Variants in CDH13 observed in about 807,000 individuals in gnomAD.
CDH13 encodes the protein cadherin-13.
A neutral mutation model predicts 63.8 loss-of-function variants in CDH13; 24 were observed. The observed-to-expected ratio is 0.38, with a 90% CI of 0.27 to 0.53. The LOEUF (loss-of-function observed/expected upper bound fraction) is 0.53, where lower values mean the gene tolerates loss of function less well. Ranked by LOEUF, CDH13 falls within the 20% of genes least tolerant of loss-of-function variation. The probability of loss-of-function intolerance (pLI) is 0.85; values close to 1 mark genes in which losing one functional copy is unlikely to be tolerated. For missense variants in CDH13, 1,049 were observed against 903.1 expected (o/e 1.16, Z -2.07); for synonymous variants, 503 against 355.3 (o/e 1.42, Z -4.67).
At chr16:83,510,924 A>C (rs182560123) in intron 7 of CDH13, among the ~76,000 whole-genome samples, 99 of 152,360 alleles carry the variant, frequency 6.5e-4, no homozygotes, top group African/African-American at 2.1e-3. Flanking sequence ...TACCCTTGAA[A>C]ACTTTAGACT....
At chr16:83,784,004 A>T (rs1915710387) in intron 13 of CDH13, among the ~76,000 whole-genome samples, 1 of 152,240 alleles carries the variant, frequency 6.6e-6, no homozygotes, top group Non-Finnish European at 1.5e-5. Context: ...TTTTTAACAA[A>T]TGAATTATTA....
At chr16:83,130,218 C>T (rs1339374558) in intron 4 of CDH13, among the ~76,000 whole-genome samples, 1 of 152,180 alleles carries the variant, frequency 6.6e-6, no homozygotes, top group Non-Finnish European at 1.5e-5. Context: ...ATGTTGAATT[C>T]TTATGATAAC....
intron 6 of CDH13, among the ~76,000 whole-genome samples, chr16:83,460,982 AACACACACACACGC>A (rs1470470073): frequency 7.4e-6 from 1 of 134,254 alleles, no homozygotes; most frequent in Non-Finnish European, 1.6e-5. Flanking sequence ...CTTGTCTCAA[AACACACACACACGC>A]ACACACACAC....
intron 4 of CDH13, among the ~76,000 whole-genome samples, chr16:83,148,038 A>G (rs2036824134): frequency 6.6e-6 from 1 of 152,138 alleles, no homozygotes; most frequent in Admixed American, 6.5e-5. Flanking sequence ...GGTACAAGCA[A>G]TTGATTCTCC....
At chr16:83,317,020 A>G (rs1172441133) in intron 5 of CDH13, among the ~76,000 whole-genome samples, 1 of 152,140 alleles carries the variant, frequency 6.6e-6, no homozygotes, top group Non-Finnish European at 1.5e-5. Flanking sequence ...GCCCCCTGGG[A>G]TTATTTGGCA....
At chr16:82,824,600 T>G (rs978143078) in intron 1 of CDH13, 9 of 152,322 alleles carry the variant, frequency 5.9e-5, no homozygotes, top group African/African-American at 2.2e-4. Context: ...AGGATGTATC[T>G]ATTTATAGGA....
intron 3 of CDH13, among the ~76,000 whole-genome samples, chr16:83,120,177 G>A (rs1426488627): frequency 6.6e-6 from 1 of 152,068 alleles, no homozygotes; most frequent in Non-Finnish European, 1.5e-5. Flanking sequence ...AGAGCTTCCT[G>A]CTTCTTTTCT....
intron 6 of CDH13, among the ~76,000 whole-genome samples, chr16:83,429,036 A>T (rs926485052): frequency 6.6e-6 from 1 of 152,234 alleles, no homozygotes; most frequent in Admixed American, 6.5e-5. Context: ...TCTTGTCTTG[A>T]TAAGACAGTT....
intron 7 of CDH13, among the ~76,000 whole-genome samples, chr16:83,586,861 T>G (rs964809249): frequency 2.0e-5 from 3 of 152,216 alleles, no homozygotes; most frequent in Non-Finnish European, 4.4e-5. Context: ...AGCTGTGGTG[T>G]AACTGGAATC....
intron 1 of CDH13, among the ~76,000 whole-genome samples, chr16:82,850,331 G>A (rs555023006): frequency 3.9e-5 from 6 of 152,330 alleles, no homozygotes; most frequent in African/African-American, 1.4e-4. Context: ...GGAAGGAAGT[G>A]CAGAAGTGGT....
intron 1 of CDH13, among the ~76,000 whole-genome samples, chr16:82,701,599 G>T (rs2031026964): frequency 6.6e-6 from 1 of 152,094 alleles, no homozygotes; most frequent in Admixed American, 6.6e-5. Flanking sequence ...TTTTCTGTCA[G>T]CAGTCCTTCC....
At chr16:83,347,876 G>C (rs2090872046) in intron 6 of CDH13, among the ~76,000 whole-genome samples, 1 of 152,150 alleles carries the variant, frequency 6.6e-6, no homozygotes, top group Non-Finnish European at 1.5e-5. Flanking sequence ...ATTTCTTCCT[G>C]GGCCTTGTGT....
chr16:83,011,453 G>T (rs866156397), intron 2 of CDH13, among the ~76,000 whole-genome samples: 1 of 152,122 alleles, frequency 6.6e-6, no homozygotes, highest in South Asian at 2.1e-4. Context: ...AGTGCAAATC[G>T]AAAGCCCTTC....
At chr16:82,676,236 A>T (rs1344282757) in intron 1 of CDH13, among the ~76,000 whole-genome samples, 1 of 152,120 alleles carries the variant, frequency 6.6e-6, no homozygotes, top group African/African-American at 2.4e-5. Context: ...CCTACTTGAC[A>T]TTCTTCTTAC....
At chr16:82,978,029 T>A in intron 2 of CDH13, among the ~76,000 whole-genome samples, 1 of 152,180 alleles carries the variant, frequency 6.6e-6, no homozygotes. Flanking sequence ...TGACTCTCGT[T>A]ATGTTTTAGC....
chr16:82,943,420 A>G (rs1366226849), intron 2 of CDH13, among the ~76,000 whole-genome samples: 1 of 152,208 alleles, frequency 6.6e-6, no homozygotes, highest in Admixed American at 6.5e-5. Flanking sequence ...TTTCTTATAT[A>G]AACCTAAGCA....
chr16:82,890,065 C>T lies in CDH13; in HGVS notation c.157+31592C>T, dbSNP rs150345980. Among the ~76,000 whole-genome samples, 1,251 of 152,318 alleles carry T rather than the reference C, an allele frequency of 8.2e-3. 29 individuals are homozygous for T. Among genetic ancestry groups the T allele is most frequent in the African/African-American group, 0.029 (1,208 of 41,568 alleles). On this transcript the variant is annotated intron_variant, in intron 2 of 13. Transcript: ENST00000567109. ...ATAAAACTGGCTTCAAAACGCAGAG[C>T]ACTAGCATTTTCATATGTTTCAGTA...
intron 6 of CDH13, among the ~76,000 whole-genome samples, chr16:83,385,055 C>G (rs79110171): frequency 0.013 from 1,932 of 152,304 alleles, 42 homozygotes; most frequent in African/African-American, 0.045. Flanking sequence ...CCTACTGTCT[C>G]TACATTTGTA....
chr16:83,242,347 A>G (rs1353819082), intron 5 of CDH13, among the ~76,000 whole-genome samples: 2 of 152,240 alleles, frequency 1.3e-5, no homozygotes, highest in African/African-American at 4.8e-5. Context: ...ACTGAGAGAC[A>G]CAGGTACTCT....
Sources: gnomAD v4.1 joint callset for allele counts (sites outside exome capture counted in the v4.1 genomes callset) on GRCh38, gnomAD v4.1.1 for gene constraint, MANE v1.5 for transcripts, NCBI Gene and HGNC (gene_info 2026-07-23, HGNC 2026-07-21) for gene names.